CDKL1: variants seen among roughly 807,000 people sequenced by gnomAD.
CDKL1 encodes cyclin-dependent kinase-like 1.
In CDKL1, 41 loss-of-function variants were observed where a neutral mutation model predicts 42.0. The observed-to-expected ratio is 0.98, with a 90% CI of 0.76 to 1.27. CDKL1 has a LOEUF of 1.27. Among genes scored for constraint, CDKL1 ranks in the 50% most tolerant of loss-of-function variants. CDKL1 has a pLI of 0.00. For synonymous variants in CDKL1, 153 were observed against 158.6 expected, an observed-to-expected ratio of 0.96 and a Z score of 0.26; for missense variants, 394 against 428.4, an observed-to-expected ratio of 0.92 and a Z score of 0.71.
At chr14:50,332,534 AG>A in intron 8 of CDKL1, 102 bp from the exon 9 acceptor site, 1 of 1,503,328 alleles carries the variant, frequency 6.7e-7, no homozygotes. Context: ...AGTTGCAATA[AG>A]AAGGGGGAAA....
intron 2 of CDKL1, among the ~76,000 whole-genome samples, chr14:50,384,869 G>A (rs376745849): frequency 5.3e-5 from 8 of 151,670 alleles, no homozygotes; most frequent in Admixed American, 5.3e-4. Context: ...CCAAGAGTTC[G>A]AAACCAGTTT....
rs1309027615 is a variant in CDKL1 at position 50,341,012 on chromosome 14, G to A, written c.655+20C>T. On this transcript the variant is annotated intron_variant, in intron 6 of 9. Transcript: ENST00000395834. ...GGAAATATCCAGTTTTCCAAAAGGT[G>A]GGACAAAAACACCACTTACCCAAGG... 1 of 1,608,022 alleles carries A rather than the reference G, an allele frequency of 6.2e-7. No individual in the cohort carries two copies. The highest frequency in any genetic ancestry group is 1.3e-5 in the African/African-American group (1 of 75,024).
intron 2 of CDKL1, among the ~76,000 whole-genome samples, chr14:50,371,241 T>C (rs2034582829): frequency 6.6e-6 from 1 of 152,238 alleles, no homozygotes; most frequent in Non-Finnish European, 1.5e-5. Context: ...CAAATTTCAC[T>C]TTTGGGTAAA....
chr14:50,395,674 A>AT (rs1223516945), intron 2 of CDKL1, 27 bp downstream of exon 2: 1 of 1,508,910 alleles, frequency 6.6e-7, no homozygotes, highest in African/African-American at 1.4e-5. Flanking sequence ...CTCGAAAAAG[A>AT]AAAAAAAGGA....
chr14:50,395,765 A>G lies in CDKL1; in HGVS notation c.104T>C (p.Phe35Ser). 6.2e-7 allele frequency: 1 copy of G among 1,614,032 alleles called. No homozygotes were observed. Among genetic ancestry groups the G allele is most frequent in the Non-Finnish European group, 8.5e-7 (1 of 1,179,862 alleles). ...DTGQIVAIKK[F>S]LESEDDPVIK... ...GACAGGGTCATCTTCTGATTCCAGA[A>G]ACTTCTTGATGGCCACAATCTGACC... The change falls in exon 2 of 10, where the codon TTT (phenylalanine) becomes TCT (serine). Residue 35 changes from phenylalanine to serine, a missense_variant. Coordinates refer to ENST00000395834, the MANE Select transcript of CDKL1 (RefSeq NM_004196.7).
Position 50,396,854 on chromosome 14 carries a change from T to A in CDKL1, c.-492A>T. Reference sequence around the variant, plus strand: ...CGCGGCGGTCAGGGACGGGCCTGGCTCCCGCCTCGCCTTCTTCCGCCCAGC... The same window carrying A: ...CGCGGCGGTCAGGGACGGGCCTGGCACCCGCCTCGCCTTCTTCCGCCCAGC... On this transcript the variant is annotated 5_prime_UTR_variant, in exon 1 of 10. Transcript: ENST00000395834. 1 of 194,184 alleles carries A rather than the reference T, an allele frequency of 5.1e-6. No homozygotes were observed. The highest frequency in any genetic ancestry group is 1.0e-4 in the South Asian group (1 of 9,770). 12.0% of individuals were successfully genotyped at this position (194,184 alleles called of 1,614,324 possible). A position where few individuals can be genotyped will look rare whatever the true frequency, so the allele number is the denominator to read the frequency against.
intron 7 of CDKL1, chr14:50,335,482 T>G: frequency 1.3e-6 from 2 of 1,536,068 alleles, no homozygotes; most frequent in Non-Finnish European, 1.7e-6. Flanking sequence ...CAGTCTCCTG[T>G]GGGGCATTCG....
In CDKL1 at chr14:50,358,636, C is replaced by CTTTTTTTT. The variant is rs71118873; in HGVS notation, c.290+384_290+391dup. On this transcript the variant is annotated intron_variant, in intron 3 of 9. Coordinates refer to ENST00000395834, the MANE Select transcript of CDKL1 (RefSeq NM_004196.7). ...CAAACACTGGCTGTTTTTAACTAGTCTTTTTTTTTTTTTTTTTTTTTGAGA... is the reference window on the plus strand; with the variant it reads ...CAAACACTGGCTGTTTTTAACTAGTCTTTTTTTTTTTTTTTTTTTTTTTTTTTTTGAGA... Among the ~76,000 whole-genome samples, 31 of 67,638 alleles carry CTTTTTTTT rather than the reference C, an allele frequency of 4.6e-4. 7 individuals are homozygous for CTTTTTTTT. Among genetic ancestry groups the CTTTTTTTT allele is most frequent in the East Asian group, 1.5e-3 (3 of 2,006 alleles). 44.4% of individuals were successfully genotyped at this position (67,638 alleles called of 152,430 possible).
chr14:50,354,048 G>A (rs973916696), intron 3 of CDKL1, among the ~76,000 whole-genome samples: 10 of 150,298 alleles, frequency 6.7e-5, no homozygotes, highest in African/African-American at 1.5e-4. Context: ...TCCGCCTCCC[G>A]GGTGCAAGTG....
Position 50,342,173 on chromosome 14 carries a change from G to A in CDKL1, c.413C>T (p.Ser138Phe), listed in dbSNP as rs764470048. 44 of 1,613,922 alleles carry A rather than the reference G, an allele frequency of 2.7e-5. No individual in the cohort carries two copies. Among genetic ancestry groups the A allele is most frequent in the African/African-American group, 4.0e-5 (3 of 74,898 alleles). Reference protein sequence around the residue: ...KPENILITKHSVIKLCDFGFA... With the variant: ...KPENILITKHFVIKLCDFGFA... ...TCCAAAGTCACAAAGCTTAATCACG[G>A]AATGTTTCGTGATGAGGATATTTTC... is the stretch of plus-strand genomic sequence containing the variant. Residue 138 changes from serine to phenylalanine, a missense_variant, in exon 5 of 10, where the codon TCC becomes TTC. Transcript: ENST00000395834.
chr14:50,391,279 G>A (rs977351453), intron 2 of CDKL1, among the ~76,000 whole-genome samples: 1 of 152,124 alleles, frequency 6.6e-6, no homozygotes, highest in African/African-American at 2.4e-5. Flanking sequence ...ATTCAGGTAG[G>A]GTCCATGTGT....
At chr14:50,356,680 G>C (rs1221289038) in intron 3 of CDKL1, among the ~76,000 whole-genome samples, 1 of 152,050 alleles carries the variant, frequency 6.6e-6, no homozygotes, top group African/African-American at 2.4e-5. Context: ...GCCTGTCGGG[G>C]GCTGATTTCC....
rs140548824 is a variant in CDKL1 at position 50,378,854 on chromosome 14, CT to C, written c.168+16846del. Among the ~76,000 whole-genome samples, 702 of 138,722 alleles carry C rather than the reference CT, an allele frequency of 5.1e-3. 1 individual carries two copies. The highest frequency in any genetic ancestry group is 0.011 in the East Asian group (51 of 4,704). The allele number at this position is 138,722 out of a possible 152,430, so 91.0% of individuals were successfully genotyped here. A position where few individuals can be genotyped will look rare whatever the true frequency, so the allele number is the denominator to read the frequency against. ...GAGACACTGTGCCTGTCAAGACAAT[CT>C]TTTTTTTTTTTTTTGAGACAGAGTT... On this transcript the variant is annotated intron_variant, in intron 2 of 9. Transcript: ENST00000395834.
chr14:50,389,474 A>G (rs1296349059), intron 2 of CDKL1, among the ~76,000 whole-genome samples: 1 of 152,192 alleles, frequency 6.6e-6, no homozygotes, highest in African/African-American at 2.4e-5. Context: ...AACAATAAAA[A>G]AGTTAGATTT....
At chr14:50,353,294 A>G in intron 3 of CDKL1, among the ~76,000 whole-genome samples, 1 of 152,220 alleles carries the variant, frequency 6.6e-6, no homozygotes, top group Admixed American at 6.5e-5. Flanking sequence ...CCGATTTTTA[A>G]AAATTCTTCA....
At chr14:50,355,835 C>T (rs1179450631) in intron 3 of CDKL1, among the ~76,000 whole-genome samples, 1 of 152,206 alleles carries the variant, frequency 6.6e-6, no homozygotes, top group African/African-American at 2.4e-5. Context: ...GTTTGCTGAG[C>T]AAACAGCATG....
At chr14:50,395,657 AC>A (rs1336666942) in intron 2 of CDKL1, 43 bp downstream of exon 2, 1 of 1,367,458 alleles carries the variant, frequency 7.3e-7, no homozygotes, top group Non-Finnish European at 1.0e-6. Context: ...ACAGAGTGAA[AC>A]CCTGTCTCGA....
chr14:50,347,303 G>C (rs558096728), intron 3 of CDKL1, among the ~76,000 whole-genome samples: 16 of 152,218 alleles, frequency 1.1e-4, no homozygotes, highest in African/African-American at 3.6e-4. Context: ...ACTATAAAAA[G>C]GGGAAAAATA....
At position 50,341,232 on chromosome 14, in the gene CDKL1, G is replaced by T. The variant is rs764006452; in HGVS notation, c.455C>A (p.Thr152Asn). The T allele has an allele frequency of 6.3e-7, 1 of 1,591,496 alleles. No homozygotes were observed. The highest frequency in any genetic ancestry group is 1.1e-5 in the South Asian group (1 of 89,002). Residue 152 changes from threonine (T) to asparagine (N), a missense_variant and splice_region_variant, in exon 6 of 10, where the codon ACT becomes AAT. Thr to Asn is a moderately conservative substitution (Grantham distance 65, BLOSUM62 0). Transcript: ENST00000395834. ...GTCTGTATAGTAGTCACTCGGTCCA[G>T]CTAGCCAGTGATGGAACATGGAAAA... Reference protein sequence around the residue: ...LCDFGFARLLTGPSDYYTDYV... With the variant: ...LCDFGFARLLNGPSDYYTDYV...
Sources: gnomAD v4.1 joint callset for allele counts (sites outside exome capture counted in the v4.1 genomes callset) on GRCh38, gnomAD v4.1.1 for gene constraint, MANE v1.5 for transcripts, NCBI Gene and HGNC (gene_info 2026-07-23, HGNC 2026-07-21) for gene names.